PDE7A: variants seen among roughly 807,000 people sequenced by gnomAD.
PDE7A encodes the protein high affinity 3',5'-cyclic-AMP phosphodiesterase 7A.
A neutral mutation model predicts 64.3 loss-of-function variants in PDE7A; 39 were observed. The ratio of observed to expected loss-of-function variants is 0.61; its 90% CI spans 0.47 to 0.79. The LOEUF is 0.79. Among genes scored for constraint, PDE7A ranks in the 30% least tolerant of loss-of-function variants. The pLI is 0.00. For synonymous variants in PDE7A, 203 were observed against 206.8 expected (o/e 0.98, Z 0.16); for missense variants, 470 against 582.8 (o/e 0.81, Z 1.99).
chr8:65,823,550 C>T (rs1810593821), intron 1 of PDE7A, among the ~76,000 whole-genome samples: 1 of 152,038 alleles, frequency 6.6e-6, no homozygotes, highest in Admixed American at 6.6e-5. Context: ...TTATGTGTGG[C>T]AATTTCTTTA....
chr8:65,808,541 T>C (rs1279340102), intron 1 of PDE7A, among the ~76,000 whole-genome samples: 1 of 152,174 alleles, frequency 6.6e-6, no homozygotes, highest in Non-Finnish European at 1.5e-5. Flanking sequence ...AATGAACAGA[T>C]ACTAGGACTG....
chr8:65,808,762 C>CT (rs1389408819), intron 1 of PDE7A, among the ~76,000 whole-genome samples: 1 of 152,116 alleles, frequency 6.6e-6, no homozygotes, highest in Admixed American at 6.5e-5. Flanking sequence ...CAAGAAGACA[C>CT]TTTTTTTCCT....
intron 4 of PDE7A, 102 bp downstream of exon 4, chr8:65,747,550 T>C (rs576502671): frequency 5.9e-5 from 39 of 661,148 alleles, no homozygotes; most frequent in African/African-American, 3.0e-4. Flanking sequence ...CTGCTTTTCA[T>C]AGACAGAGAA....
intron 1 of PDE7A, among the ~76,000 whole-genome samples, chr8:65,824,376 C>T (rs973962100): frequency 6.6e-6 from 1 of 152,114 alleles, no homozygotes; most frequent in Non-Finnish European, 1.5e-5. Flanking sequence ...GGTGAAGATG[C>T]TGTGAACACT....
chr8:65,786,750 A>G (rs1809567805), intron 1 of PDE7A, among the ~76,000 whole-genome samples: 1 of 152,190 alleles, frequency 6.6e-6, no homozygotes, highest in Admixed American at 6.5e-5. Context: ...TCACCAGTGA[A>G]TGGAAATAAC....
At position 65,789,032 on chromosome 8, in the gene PDE7A, G is replaced by A. The variant is rs371359756; in HGVS notation, c.139-6189C>T. ...GAGTCTGATAAATACCAGCTGTCCC[G>A]AGGCAAAAGAGAGGGGACACTGACT... On this transcript the variant is annotated intron_variant, in intron 1 of 12. Transcript: ENST00000401827. 2.6e-5 allele frequency: 40 copies of A among 1,538,320 alleles called. No individual in the cohort carries two copies. In the African/African-American group the frequency reaches 3.1e-4, roughly 12 times the overall value.
chr8:65,820,028 A>AC (rs1265722699), intron 1 of PDE7A, among the ~76,000 whole-genome samples: 1 of 152,242 alleles, frequency 6.6e-6, no homozygotes, highest in African/African-American at 2.4e-5. Context: ...AATATCTCCA[A>AC]CCTACTACAT....
chr8:65,822,445 T>A (rs142657924), intron 1 of PDE7A, among the ~76,000 whole-genome samples: 1 of 152,214 alleles, frequency 6.6e-6, no homozygotes, highest in African/African-American at 2.4e-5. Flanking sequence ...GGACTCTCCG[T>A]AGGACTGGGT....
chr8:65,749,909 C>T (rs996910958), intron 3 of PDE7A, among the ~76,000 whole-genome samples: 1 of 151,968 alleles, frequency 6.6e-6, no homozygotes, highest in African/African-American at 2.4e-5. Context: ...AAGATATGGA[C>T]AGAAAAAGAA....
At position 65,804,538 on chromosome 8, in the gene PDE7A, TGC is replaced by T. The variant is rs1156584411; in HGVS notation, c.139-21697_139-21696del. On this transcript the variant is annotated intron_variant, in intron 1 of 12. Transcript: ENST00000401827. ...GAGAAAGCTGAAAGTTTCATTTTGT[TGC>T]TTTTTTTTTTTTTTTTTTTGAAGAC... Among the ~76,000 whole-genome samples, 43 of 141,692 alleles carry T rather than the reference TGC, an allele frequency of 3.0e-4. 1 individual carries two copies. The highest frequency in any genetic ancestry group is 1.3e-3 in the Admixed American group (18 of 14,306). The allele number at this position is 141,692 out of a possible 152,430, so 93.0% of individuals were successfully genotyped here. A position where few individuals can be genotyped will look rare whatever the true frequency, so the allele number is the denominator to read the frequency against.
chr8:65,794,866 T>C (rs1338065894), intron 1 of PDE7A, among the ~76,000 whole-genome samples: 5 of 152,150 alleles, frequency 3.3e-5, no homozygotes, highest in African/African-American at 7.2e-5. Flanking sequence ...CAGAGTGCTA[T>C]AAGTACCAAG....
Position 65,841,936 on chromosome 8 carries a change from C to A in PDE7A, c.-428G>T. 4.3e-6 allele frequency: 1 copy of A among 232,130 alleles called. No individual in the cohort carries two copies. Among genetic ancestry groups the A allele is most frequent in the South Asian group, 5.1e-5 (1 of 19,544 alleles). The allele number at this position is 232,130 out of a possible 1,614,324, so 14.4% of individuals were successfully genotyped here. A position where few individuals can be genotyped will look rare whatever the true frequency, so the allele number is the denominator to read the frequency against. Reference sequence around the variant, plus strand: ...AGCCAGCGGCCAGACCCAGGGCGCGCGGGACTCAGGAGCAGCGACCAGCTC... The same window carrying A: ...AGCCAGCGGCCAGACCCAGGGCGCGAGGGACTCAGGAGCAGCGACCAGCTC... On this transcript the variant is annotated 5_prime_UTR_variant, in exon 1 of 13. Transcript: ENST00000401827.
intron 1 of PDE7A, among the ~76,000 whole-genome samples, chr8:65,791,323 A>G (rs888615777): frequency 2.0e-5 from 3 of 152,136 alleles, no homozygotes; most frequent in Admixed American, 1.3e-4. Flanking sequence ...CTGTGCCTTA[A>G]TTTTTCTCCC....
At chr8:65,735,052 T>C (rs1037980766) in intron 6 of PDE7A, among the ~76,000 whole-genome samples, 158 bp from the exon 7 acceptor site, 1 of 152,208 alleles carries the variant, frequency 6.6e-6, no homozygotes, top group African/African-American at 2.4e-5. Context: ...ACAACTCACA[T>C]GTATACCAAA....
At chr8:65,779,664 AT>A in intron 3 of PDE7A, 55 bp downstream of exon 3, 1 of 920,084 alleles carries the variant, frequency 1.1e-6, no homozygotes, top group African/African-American at 1.7e-5. Context: ...AAACTGTGTA[AT>A]TTTATTAAAA....
At chr8:65,820,630 C>G (rs1337607209) in intron 1 of PDE7A, among the ~76,000 whole-genome samples, 1 of 152,138 alleles carries the variant, frequency 6.6e-6, no homozygotes, top group Admixed American at 6.5e-5. Context: ...CGCTCTGTTA[C>G]CCAGGCTGGA....
chr8:65,763,920 AG>A (rs1259059045), intron 3 of PDE7A, among the ~76,000 whole-genome samples: 1 of 152,232 alleles, frequency 6.6e-6, no homozygotes, highest in African/African-American at 2.4e-5. Context: ...TATGCTATCG[AG>A]TTAAGGAAGA....
intron 1 of PDE7A, among the ~76,000 whole-genome samples, chr8:65,794,614 T>C (rs1010684054): frequency 2.6e-5 from 4 of 152,188 alleles, no homozygotes; most frequent in Non-Finnish European, 4.4e-5. Flanking sequence ...CAAACCAGTG[T>C]AGAAGTCCAA....
chr8:65,773,355 G>C (rs571191881), intron 3 of PDE7A, among the ~76,000 whole-genome samples: 1 of 152,182 alleles, frequency 6.6e-6, no homozygotes, highest in Non-Finnish European at 1.5e-5. Context: ...ATAGGACCAA[G>C]TCTATAGCAA....
Sources: allele counts gnomAD v4.1 joint callset (sites outside exome capture counted in the v4.1 genomes callset), GRCh38; gene constraint gnomAD v4.1.1; transcripts MANE v1.5; gene names NCBI Gene and HGNC (gene_info 2026-07-23, HGNC 2026-07-21).